Variants in PPP2R2D observed in about 807,000 individuals in gnomAD.
The protein encoded by PPP2R2D is serine/threonine-protein phosphatase 2A 55 kDa regulatory subunit B delta isoform.
Under a neutral mutation model 31.1 loss-of-function variants are expected in PPP2R2D, and 9 were observed. That is an observed-to-expected ratio of 0.29 (90% CI 0.17 to 0.51). PPP2R2D has a LOEUF of 0.51. PPP2R2D is among the 20% of genes least tolerant of loss of function. PPP2R2D has a pLI of 0.98. For missense variants in PPP2R2D, 391 were observed against 465.6 expected (o/e 0.84, Z 1.48); for synonymous variants, 179 against 172.6 (o/e 1.04, Z -0.29).
chr10:131,941,721 T>G (rs2036445473), intron 5 of PPP2R2D, among the ~76,000 whole-genome samples: 1 of 152,200 alleles, frequency 6.6e-6, no homozygotes, highest in South Asian at 2.1e-4. Flanking sequence ...CTAACACATG[T>G]GCCTCTGGGA....
chr10:131,924,982 A>G (rs1277309197), intron 2 of PPP2R2D, among the ~76,000 whole-genome samples: 1 of 152,166 alleles, frequency 6.6e-6, no homozygotes, highest in African/African-American at 2.4e-5. Context: ...GTAGAAATGC[A>G]GTTGACTTTA....
chr10:131,971,507 A>G, the PPP2R2D span: 3 of 154,388 alleles, frequency 1.9e-5, no homozygotes, highest in Non-Finnish European at 4.3e-5. Context: ...TAACAGCACG[A>G]AACATTAAAG....
At chr10:131,963,938 C>T (rs575652093), downstream of PPP2R2D, among the ~76,000 whole-genome samples, 48 of 152,288 alleles carry the variant, frequency 3.2e-4, no homozygotes, top group African/African-American at 1.1e-3. Context: ...GTCGGTTTTT[C>T]CTGTCCAGGG....
At chr10:131,951,016 A>C (rs1414518597) in intron 8 of PPP2R2D, among the ~76,000 whole-genome samples, 1 of 152,286 alleles carries the variant, frequency 6.6e-6, no homozygotes, top group Non-Finnish European at 1.5e-5. Context: ...GTGCAGAATT[A>C]GTTGTCAACA....
chr10:131,904,203 CAAAAA>C, intron 2 of PPP2R2D, among the ~76,000 whole-genome samples: 1 of 117,538 alleles, frequency 8.5e-6, no homozygotes, highest in Admixed American at 8.9e-5. Flanking sequence ...GACTCCGTCT[CAAAAA>C]AAAAAAAAAA....
intron 2 of PPP2R2D, among the ~76,000 whole-genome samples, chr10:131,928,324 A>AC (rs1404877255): frequency 6.6e-6 from 1 of 152,206 alleles, no homozygotes; most frequent in Non-Finnish European, 1.5e-5. Flanking sequence ...CGCGAGCAGC[A>AC]CCTGGTCTGT....
At chr10:131,913,184 A>T (rs1252259536) in intron 2 of PPP2R2D, among the ~76,000 whole-genome samples, 6 of 134,816 alleles carry the variant, frequency 4.5e-5, no homozygotes, top group African/African-American at 1.7e-4. Context: ...TGCCCGGCTA[A>T]TTTTTTTTTT....
chr10:131,955,574 T>TCA, intron 8 of PPP2R2D, 110 bp from the exon 9 acceptor site: 1 of 935,836 alleles, frequency 1.1e-6, no homozygotes, highest in South Asian at 4.8e-5. Flanking sequence ...TGAAAGTAAC[T>TCA]GGGTTGTGGG....
At chr10:131,953,112 GT>G (rs2036712311) in intron 8 of PPP2R2D, among the ~76,000 whole-genome samples, 2 of 140,060 alleles carry the variant, frequency 1.4e-5, no homozygotes, top group Admixed American at 7.2e-5. Flanking sequence ...ACTTGCGGGG[GT>G]TCCCTGTCTT....
intron 2 of PPP2R2D, among the ~76,000 whole-genome samples, chr10:131,906,440 T>C (rs1336752997): frequency 1.3e-5 from 2 of 152,326 alleles, no homozygotes; most frequent in Admixed American, 6.5e-5. Flanking sequence ...AACTAAAGGT[T>C]TGTTTGCTTA....
At chr10:131,968,249 A>G in the PPP2R2D span, 1 of 262,226 alleles carries the variant, frequency 3.8e-6, no homozygotes. Flanking sequence ...ATTTATATTC[A>G]GATATTTATA....
At chr10:131,908,644 C>G (rs958719822) in intron 2 of PPP2R2D, among the ~76,000 whole-genome samples, 12 of 152,336 alleles carry the variant, frequency 7.9e-5, no homozygotes, top group Middle Eastern at 6.8e-3. Flanking sequence ...TGGGAAGTTA[C>G]TTACTCTTTT....
intron 2 of PPP2R2D, among the ~76,000 whole-genome samples, chr10:131,903,496 A>G (rs1006941760): frequency 4.0e-5 from 6 of 150,678 alleles, no homozygotes; most frequent in Admixed American, 3.3e-4. Flanking sequence ...AAAAATCTTG[A>G]CAAATACTTT....
chr10:131,943,188 C>T (rs2036471420), intron 5 of PPP2R2D, among the ~76,000 whole-genome samples: 1 of 152,284 alleles, frequency 6.6e-6, no homozygotes, highest in African/African-American at 2.4e-5. Flanking sequence ...TCACCTCTGA[C>T]CATAGGCGGC....
At chr10:131,949,629 TCA>T (rs1221710337) in intron 8 of PPP2R2D, among the ~76,000 whole-genome samples, 1 of 151,968 alleles carries the variant, frequency 6.6e-6, no homozygotes, top group Non-Finnish European at 1.5e-5. Context: ...CTTGAGATAT[TCA>T]CAGACTAGAG....
chr10:131,914,225 G>A (rs375061779), intron 2 of PPP2R2D, among the ~76,000 whole-genome samples: 14 of 152,094 alleles, frequency 9.2e-5, no homozygotes, highest in Non-Finnish European at 1.5e-4. Context: ...AGATATGACC[G>A]GCCTCACACC....
intron 2 of PPP2R2D, among the ~76,000 whole-genome samples, chr10:131,932,658 A>AAAAAAAAAAAAAAC (rs1589945418): frequency 6.7e-6 from 1 of 149,484 alleles, no homozygotes; most frequent in Non-Finnish European, 1.5e-5. Flanking sequence ...AAAAAAAAAA[A>AAAAAAAAAAAAAAC]AAAAAAAAAA....
chr10:131,966,162 T>C, the PPP2R2D span, among the ~76,000 whole-genome samples: 3 of 152,206 alleles, frequency 2.0e-5, no homozygotes, highest in Admixed American at 6.5e-5. Context: ...CTTGCAGCCA[T>C]GTGCATTCCT....
At chr10:131,934,658 A>C in intron 3 of PPP2R2D, 103 bp downstream of exon 3, 1 of 703,720 alleles carries the variant, frequency 1.4e-6, no homozygotes, top group South Asian at 1.6e-5. Context: ...TCATTTCATT[A>C]AGATTCAGTT....
Sources: allele counts gnomAD v4.1 joint callset (sites outside exome capture counted in the v4.1 genomes callset), GRCh38; gene constraint gnomAD v4.1.1; transcripts MANE v1.5; gene names NCBI Gene and HGNC (gene_info 2026-07-23, HGNC 2026-07-21).